PREX2: variants seen among roughly 807,000 people sequenced by gnomAD.
PREX2 encodes phosphatidylinositol 3,4,5-trisphosphate-dependent Rac exchanger 2 protein.
Under a neutral mutation model 203.2 loss-of-function variants are expected in PREX2, and 107 were observed. That is an observed-to-expected ratio of 0.53 (90% CI 0.45 to 0.62). PREX2 has a LOEUF of 0.62. PREX2 is among the 20% of genes least tolerant of loss of function. The probability of loss-of-function intolerance (pLI) is 0.00; values close to 1 mark genes in which losing one functional copy is unlikely to be tolerated. For synonymous variants in PREX2, 672 were observed against 663.6 expected, an observed-to-expected ratio of 1.01 and a Z score of -0.19; for missense variants, 1,777 against 1,955.9, an observed-to-expected ratio of 0.91 and a Z score of 1.72.
intron 23 of PREX2, chr8:68,106,140 T>C: frequency 3.0e-6 from 1 of 334,196 alleles, no homozygotes; most frequent in South Asian, 2.4e-5. Flanking sequence ...GGATGGATAA[T>C]TGTTTAAAAT....
chr8:68,108,257 G>T lies in PREX2; in HGVS notation c.2864G>T (p.Gly955Val), dbSNP rs1353085875. 6.2e-7 allele frequency: 1 copy of T among 1,613,856 alleles called. No homozygotes were observed. The highest frequency in any genetic ancestry group is 8.5e-7 in the Non-Finnish European group (1 of 1,179,942). Reference protein sequence around the residue: ...VSYPKTSTSLGSAFGVQLDSR... With the variant: ...VSYPKTSTSLVSAFGVQLDSR... ...TATCCCAAAACATCAACCTCTTTGG[G>T]AAGTGCATTTGGTGTTCAGTTGGAT... is the stretch of plus-strand genomic sequence containing the variant. The change falls in exon 24 of 40, where the codon GGA (glycine) becomes GTA (valine). Residue 955 changes from glycine (G) to valine (V), a missense_variant. Coordinates refer to ENST00000288368, the MANE Select transcript of PREX2 (RefSeq NM_024870.4).
chr8:68,207,986 C>T (rs955909626), intron 37 of PREX2, among the ~76,000 whole-genome samples: 5 of 151,998 alleles, frequency 3.3e-5, no homozygotes, highest in African/African-American at 7.3e-5. Flanking sequence ...GTGAGGAAAA[C>T]AGGGACCATA....
Position 68,108,129 on chromosome 8 carries a change from T to G in PREX2, c.2736T>G (p.Asn912Lys). The stretch of plus-strand genomic sequence containing the variant: ...TGCAGTTTTCTCGTGTACTGAAGAA[T>G]AGGGCCTGGCCTACTTTTAAACAGG... ...SYKKFSRVLK[N>K]RAWPTFKQAK... is the part of the protein sequence containing the mutation. Residue 912 changes from asparagine to lysine, a missense_variant, in exon 24 of 40, where the codon AAT (asparagine) becomes AAG (lysine). By Grantham distance (94) the Asn-to-Lys change is moderately conservative (BLOSUM62 0). Transcript: ENST00000288368. The G allele has an allele frequency of 6.2e-7, 1 of 1,613,394 alleles. No individual in the cohort carries two copies. The highest frequency in any genetic ancestry group is 1.1e-5 in the South Asian group (1 of 90,904).
chr8:68,118,362 A>AT (rs888332183), intron 26 of PREX2, among the ~76,000 whole-genome samples, 188 bp from the exon 27 acceptor site: 3 of 152,174 alleles, frequency 2.0e-5, no homozygotes, highest in African/African-American at 7.2e-5. Flanking sequence ...CTCCAAAAAA[A>AT]AAAAAAAAGA....
chr8:67,959,433 G>A (rs1012788385), intron 1 of PREX2, among the ~76,000 whole-genome samples: 3 of 152,152 alleles, frequency 2.0e-5, no homozygotes, highest in Non-Finnish European at 4.4e-5. Flanking sequence ...GTAACTGCGA[G>A]GAGAGAAGGG....
chr8:67,973,839 C>T (rs1321745207), intron 1 of PREX2, among the ~76,000 whole-genome samples: 1 of 152,148 alleles, frequency 6.6e-6, no homozygotes, highest in Non-Finnish European at 1.5e-5. Context: ...CCCCAGAACA[C>T]ATGGATACCA....
chr8:68,224,661 G>A lies in PREX2; in HGVS notation c.4775+35G>A, dbSNP rs761488156. 21 of 1,547,732 alleles carry A rather than the reference G, an allele frequency of 1.4e-5. No homozygotes were observed. In the South Asian group the frequency reaches 2.0e-4, roughly 15 times the overall value. On this transcript the variant is annotated intron_variant, in intron 39 of 39. Transcript: ENST00000288368. ...TCCCCTGCTCTGCCCTTGCCCGAAA[G>A]ATTTGCCAGCATTTTCCCCGGCAGT...
chr8:67,967,026 A>G (rs1805797138), intron 1 of PREX2, among the ~76,000 whole-genome samples: 1 of 152,242 alleles, frequency 6.6e-6, no homozygotes, highest in South Asian at 2.1e-4. Context: ...ATAAGTGTGC[A>G]TGTGTTTTGA....
intron 21 of PREX2, among the ~76,000 whole-genome samples, chr8:68,096,320 A>C (rs1460604800): frequency 3.3e-5 from 5 of 152,088 alleles, no homozygotes; most frequent in Non-Finnish European, 7.4e-5. Context: ...TGTTTATGCT[A>C]TTTTTGGGCT....
chr8:68,204,112 G>A (rs1296529869), intron 37 of PREX2, among the ~76,000 whole-genome samples: 2 of 152,108 alleles, frequency 1.3e-5, no homozygotes, highest in East Asian at 3.9e-4. Flanking sequence ...ATGTGGAGAA[G>A]CAGATTCAAA....
At chr8:68,023,189 A>T (rs1213010563) in intron 4 of PREX2, among the ~76,000 whole-genome samples, 4 of 152,136 alleles carry the variant, frequency 2.6e-5, no homozygotes, top group African/African-American at 9.7e-5. Flanking sequence ...GCTCATATTT[A>T]ACTAATTAAG....
intron 11 of PREX2, among the ~76,000 whole-genome samples, chr8:68,063,146 C>T (rs1010176962): frequency 6.6e-6 from 1 of 152,144 alleles, no homozygotes; most frequent in African/African-American, 2.4e-5. Context: ...CTATTATATA[C>T]TAACATCATA....
At chr8:68,178,211 G>A (rs1217622121) in intron 35 of PREX2, among the ~76,000 whole-genome samples, 2 of 152,064 alleles carry the variant, frequency 1.3e-5, no homozygotes, top group African/African-American at 2.4e-5. Flanking sequence ...ACTGTCTTCC[G>A]CAATGGTTGA....
intron 35 of PREX2, among the ~76,000 whole-genome samples, chr8:68,160,492 T>C (rs1351641156): frequency 1.3e-5 from 2 of 152,250 alleles, no homozygotes; most frequent in East Asian, 3.9e-4. Context: ...AACACATTTA[T>C]ATAAATATAC....
At chr8:68,053,749 T>C (rs968109029) in intron 9 of PREX2, among the ~76,000 whole-genome samples, 1 of 152,184 alleles carries the variant, frequency 6.6e-6, no homozygotes, top group Non-Finnish European at 1.5e-5. Flanking sequence ...TAAAGCACTT[T>C]GGATTTATAC....
chr8:68,019,458 GT>G, intron 2 of PREX2, 90 bp from the exon 3 acceptor site: 1 of 1,040,710 alleles, frequency 9.6e-7, no homozygotes, highest in East Asian at 2.8e-5. Flanking sequence ...TGGATGTATG[GT>G]TTTCAGGTTG....
intron 39 of PREX2, among the ~76,000 whole-genome samples, chr8:68,228,797 ATAAATAAG>A (rs1392536414): frequency 1.9e-5 from 2 of 105,144 alleles, no homozygotes; most frequent in Non-Finnish European, 3.7e-5. Context: ...AAATAAATAA[ATAAATAAG>A]CCGGGCTGTC....
chr8:68,202,642 C>T (rs1340391836), intron 37 of PREX2, among the ~76,000 whole-genome samples: 1 of 152,084 alleles, frequency 6.6e-6, no homozygotes, highest in African/African-American at 2.4e-5. Context: ...TATTAAATGG[C>T]AGTCAACAGG....
intron 6 of PREX2, among the ~76,000 whole-genome samples, chr8:68,035,481 A>T (rs986343817): frequency 6.6e-6 from 1 of 152,104 alleles, no homozygotes; most frequent in Non-Finnish European, 1.5e-5. Context: ...CAGTTCATAC[A>T]TATATGTGGT....
Sources: gnomAD v4.1 joint callset for allele counts (sites outside exome capture counted in the v4.1 genomes callset) on GRCh38, gnomAD v4.1.1 for gene constraint, MANE v1.5 for transcripts, NCBI Gene and HGNC (gene_info 2026-07-23, HGNC 2026-07-21) for gene names.